The following GLI3 variants were observed in gnomAD, a reference collection of about 807,000 sequenced individuals.
GLI3 encodes the protein GLI family zinc finger 3, also known as transcription activator GLI3.
In GLI3, 20 loss-of-function variants were observed where a neutral mutation model predicts 100.8. The observed-to-expected ratio is 0.20, with a 90% CI of 0.14 to 0.29. The LOEUF is 0.29. GLI3 is among the 10% of genes least tolerant of loss of function. The probability of loss-of-function intolerance (pLI) is 1.00; values close to 1 mark genes in which losing one functional copy is unlikely to be tolerated. For synonymous variants in GLI3, 938 were observed against 860.5 expected (o/e 1.09, Z -1.58); for missense variants, 2,040 against 2,128.5 (o/e 0.96, Z 0.82).
chr7:42,151,942 G>A (rs558669689), intron 2 of GLI3: 34 of 152,212 alleles, frequency 2.2e-4, no homozygotes, highest in African/African-American at 7.5e-4. Context: ...TGCTTAGGAC[G>A]TTTGCAATAA....
chr7:42,145,080 A>C (rs1008916307), intron 3 of GLI3, among the ~76,000 whole-genome samples: 14 of 152,230 alleles, frequency 9.2e-5, no homozygotes, highest in Admixed American at 1.3e-4. Flanking sequence ...ATACACTAAA[A>C]AATTCATGGA....
chr7:42,064,533 C>T (rs1784635758), intron 4 of GLI3, among the ~76,000 whole-genome samples: 1 of 152,098 alleles, frequency 6.6e-6, no homozygotes, highest in East Asian at 1.9e-4. Flanking sequence ...GCCAACAGCA[C>T]TATGTTTGAG....
upstream of GLI3, among the ~76,000 whole-genome samples, chr7:42,240,296 ACTTT>A (rs574275486): frequency 2.0e-5 from 3 of 152,352 alleles, no homozygotes; most frequent in South Asian, 6.2e-4. Flanking sequence ...TTTAAGACAG[ACTTT>A]CTTTCTTGTT....
At chr7:42,084,489 G>T (rs554231356) in intron 3 of GLI3, among the ~76,000 whole-genome samples, 18 of 152,334 alleles carry the variant, frequency 1.2e-4, no homozygotes, top group Non-Finnish European at 2.5e-4. Context: ...CTACGTACTG[G>T]CTGACCAGCC....
At chr7:42,163,876 T>G (rs1258569998) in intron 2 of GLI3, among the ~76,000 whole-genome samples, 2 of 152,254 alleles carry the variant, frequency 1.3e-5, no homozygotes, top group Non-Finnish European at 2.9e-5. Context: ...CTTTGGCCAA[T>G]TTAATGGCTT....
intron 2 of GLI3, among the ~76,000 whole-genome samples, chr7:42,173,472 T>C (rs3801214): frequency 0.1 from 15,569 of 152,188 alleles, 859 homozygotes; most frequent in Admixed American, 0.14. Flanking sequence ...CTATTTTGGC[T>C]TTTGTGGAAA....
chr7:42,141,922 G>T (rs1047513808), intron 3 of GLI3, among the ~76,000 whole-genome samples: 3 of 152,086 alleles, frequency 2.0e-5, no homozygotes, highest in Non-Finnish European at 4.4e-5. Context: ...ATAAGCATCT[G>T]AGCAGCTCCC....
Position 42,121,867 on chromosome 7 carries a change from C to T in GLI3, c.367+26359G>A, listed in dbSNP as rs555316760. Among the ~76,000 whole-genome samples, 20 of 152,288 alleles carry T rather than the reference C, an allele frequency of 1.3e-4. No individual in the cohort carries two copies. In the South Asian group the frequency reaches 4.2e-3, roughly 32 times the overall value. On this transcript the variant is annotated intron_variant, in intron 3 of 14. Transcript: ENST00000395925. ...TTCTCTGTCCCTCAGCACAGCAACT[C>T]TGGTTATCTTAAGTTCAGCATTGGT...
At chr7:42,063,555 TG>T (rs1784614202) in intron 4 of GLI3, among the ~76,000 whole-genome samples, 1 of 152,208 alleles carries the variant, frequency 6.6e-6, no homozygotes, top group Admixed American at 6.5e-5. Flanking sequence ...TCCTCATGAC[TG>T]CCACTTCACC....
upstream of GLI3, among the ~76,000 whole-genome samples, chr7:42,242,659 G>A (rs1041064511): frequency 6.6e-6 from 1 of 152,158 alleles, no homozygotes; most frequent in Non-Finnish European, 1.5e-5. Context: ...ATTCCAGTAT[G>A]CAGAAAAACA....
chr7:42,259,990 G>T (rs1029452914), intron 1 of GLI3, among the ~76,000 whole-genome samples: 2 of 152,246 alleles, frequency 1.3e-5, no homozygotes, highest in South Asian at 4.1e-4. Context: ...ACTGTAGTTT[G>T]GTTCTGTGTA....
chr7:42,111,917 G>A (rs1304571422), intron 3 of GLI3, among the ~76,000 whole-genome samples: 3 of 152,148 alleles, frequency 2.0e-5, no homozygotes, highest in African/African-American at 7.2e-5. Context: ...GCAAGATCCA[G>A]AAAGTGGCCA....
At chr7:42,093,464 T>G (rs1440620369) in intron 3 of GLI3, among the ~76,000 whole-genome samples, 1 of 151,954 alleles carries the variant, frequency 6.6e-6, no homozygotes, top group African/African-American at 2.4e-5. Flanking sequence ...TATATACGGT[T>G]ACCACAATCG....
At chr7:42,253,533 C>G (rs982375768) in intron 1 of GLI3, among the ~76,000 whole-genome samples, 1 of 152,228 alleles carries the variant, frequency 6.6e-6, no homozygotes, top group Non-Finnish European at 1.5e-5. Context: ...ATATCTGTGA[C>G]TCATTCATGG....
intron 2 of GLI3, among the ~76,000 whole-genome samples, chr7:42,199,389 ACT>A (rs1562782997): frequency 6.6e-6 from 1 of 152,222 alleles, no homozygotes; most frequent in South Asian, 2.1e-4. Context: ...GCCCGTTAGA[ACT>A]CTGATTTACC....
At chr7:42,262,426 A>C (rs1014016334) in intron 1 of GLI3, among the ~76,000 whole-genome samples, 25 of 152,048 alleles carry the variant, frequency 1.6e-4, no homozygotes, top group African/African-American at 5.3e-4. Context: ...CAGCCAGCTA[A>C]TTTTTTTAAA....
At chr7:42,082,560 T>G (rs1249207056) in intron 3 of GLI3, among the ~76,000 whole-genome samples, 1 of 152,130 alleles carries the variant, frequency 6.6e-6, no homozygotes, top group Non-Finnish European at 1.5e-5. Context: ...GCTGAGGACT[T>G]GCTGGGCAGA....
intron 3 of GLI3, among the ~76,000 whole-genome samples, chr7:42,121,905 C>A (rs1274553451): frequency 6.6e-6 from 1 of 152,112 alleles, no homozygotes; most frequent in East Asian, 1.9e-4. Flanking sequence ...TAAATAAGCC[C>A]CAGATCTTAA....
rs147616149 is a variant in GLI3 at position 42,028,770 on chromosome 7, AAATAAT to A, written c.1029-2364_1029-2359del. Among the ~76,000 whole-genome samples the A allele has an allele frequency of 8.4e-3, 1,230 of 146,022 alleles. 18 individuals are homozygous for A. The highest frequency in any genetic ancestry group is 0.029 in the African/African-American group (1,155 of 39,754). On this transcript the variant is annotated intron_variant, in intron 7 of 14. Transcript: ENST00000395925. ...CAGAGCAAGACTCCGTCTCAAAAATAAATAATAATAATAATAATAATAATAATAAAT... is the reference window on the plus strand; with the variant it reads ...CAGAGCAAGACTCCGTCTCAAAAATAAATAATAATAATAATAATAATAAAT...
Sources: gnomAD v4.1 joint callset for allele counts (sites outside exome capture counted in the v4.1 genomes callset) on GRCh38, gnomAD v4.1.1 for gene constraint, MANE v1.5 for transcripts, NCBI Gene and HGNC (gene_info 2026-07-23, HGNC 2026-07-21) for gene names.